SLC5A1: variants seen among roughly 807,000 people sequenced by gnomAD.
SLC5A1 encodes the protein solute carrier family 5 member 1.
In SLC5A1, 42 loss-of-function variants were observed where a neutral mutation model predicts 73.5. That is an observed-to-expected ratio of 0.57 (90% CI 0.45 to 0.74). The LOEUF (loss-of-function observed/expected upper bound fraction) is 0.74. Among genes scored for constraint, SLC5A1 ranks in the 30% least tolerant of loss-of-function variants. The pLI is 0.00. For missense variants in SLC5A1, 634 were observed against 855.4 expected (o/e 0.74, Z 3.23); for synonymous variants, 300 against 317.4 (o/e 0.95, Z 0.58).
At chr22:32,047,482 A>G (rs951702646) in intron 1 of SLC5A1, among the ~76,000 whole-genome samples, 1 of 152,106 alleles carries the variant, frequency 6.6e-6, no homozygotes, top group East Asian at 1.9e-4. Context: ...TTTGGCCCTT[A>G]GCTACCTTTT....
intron 5 of SLC5A1, among the ~76,000 whole-genome samples, chr22:32,079,971 C>T (rs1184609165): frequency 6.6e-6 from 1 of 152,188 alleles, no homozygotes; most frequent in African/African-American, 2.4e-5. Flanking sequence ...GCTTTCCTCA[C>T]TGCAGACCTT....
intron 2 of SLC5A1, among the ~76,000 whole-genome samples, chr22:32,050,346 C>T (rs1302610607): frequency 1.3e-5 from 2 of 152,206 alleles, no homozygotes; most frequent in African/African-American, 4.8e-5. Flanking sequence ...AGGCTCTCCA[C>T]TGCTGACATC....
rs2093933489 is a variant in SLC5A1 at position 32,043,793 on chromosome 22, C to A, written c.135+377C>A. On this transcript the variant is annotated intron_variant, in intron 1 of 14. Coordinates refer to ENST00000266088, the MANE Select transcript of SLC5A1 (RefSeq NM_000343.4). The surrounding 1 kb of genome is among the most constrained non-coding windows in gnomAD (Gnocchi z 6.5). ...CTCTAGCAGGTGACTACTGTCCTACCTTTTAGTCATCCAGTTTCAGATGGG... is the reference window on the plus strand; with the variant it reads ...CTCTAGCAGGTGACTACTGTCCTACATTTTAGTCATCCAGTTTCAGATGGG... Among the ~76,000 whole-genome samples, 1 of 152,128 alleles carries A rather than the reference C, an allele frequency of 6.6e-6. No individual in the cohort carries two copies. The highest frequency in any genetic ancestry group is 1.5e-5 in the Non-Finnish European group (1 of 68,022).
intron 2 of SLC5A1, among the ~76,000 whole-genome samples, chr22:32,060,894 G>A (rs78578916): frequency 0.045 from 6,820 of 152,142 alleles, 206 homozygotes; most frequent in Non-Finnish European, 0.07. Context: ...TTCTAATTGT[G>A]TAGTTACAGA....
intron 5 of SLC5A1, among the ~76,000 whole-genome samples, chr22:32,070,135 C>T (rs527345188): frequency 1.3e-5 from 2 of 151,144 alleles, no homozygotes; most frequent in South Asian, 2.1e-4. Flanking sequence ...GATTGGAGGG[C>T]GACTGGGGTA....
chr22:32,100,161 GGA>G (rs1190137464), intron 12 of SLC5A1, among the ~76,000 whole-genome samples: 1 of 152,194 alleles, frequency 6.6e-6, no homozygotes, highest in Non-Finnish European at 1.5e-5. Context: ...CCTGGCTCAA[GGA>G]GAGTTTGTGA....
intron 6 of SLC5A1, among the ~76,000 whole-genome samples, chr22:32,082,319 C>T (rs1222256568): frequency 6.6e-6 from 1 of 152,120 alleles, no homozygotes; most frequent in African/African-American, 2.4e-5. Context: ...AGGGTGGGCA[C>T]GCAGATGCTC....
intron 11 of SLC5A1, among the ~76,000 whole-genome samples, chr22:32,097,812 T>C (rs1185736768): frequency 3.9e-5 from 6 of 152,322 alleles, no homozygotes; most frequent in Admixed American, 2.0e-4. Context: ...AACTTGTTTA[T>C]CAAAGACACC....
intron 5 of SLC5A1, among the ~76,000 whole-genome samples, chr22:32,072,162 C>G (rs1399328493): frequency 6.6e-6 from 1 of 151,910 alleles, no homozygotes; most frequent in Non-Finnish European, 1.5e-5. Flanking sequence ...ATTTTGTCAC[C>G]CAGGTAATAA....
Position 32,111,703 on chromosome 22 carries a change from A to T in SLC5A1, c.*1490A>T, listed in dbSNP as rs1569320600. On this transcript the variant is annotated 3_prime_UTR_variant, in exon 15 of 15. Transcript: ENST00000266088. Reference sequence around the variant, plus strand: ...TTCAACAATAAATCAATGGGAATGCATTTGTTGCTCCCAGGACCCTGGCAC... The same window carrying T: ...TTCAACAATAAATCAATGGGAATGCTTTTGTTGCTCCCAGGACCCTGGCAC... The T allele has an allele frequency of 6.6e-6, 1 of 152,172 alleles. No homozygotes were observed. Among genetic ancestry groups the T allele is most frequent in the Admixed American group, 6.5e-5 (1 of 15,284 alleles). The allele number at this position is 152,172 out of a possible 1,614,324, so 9.4% of individuals were successfully genotyped here. A position where few individuals can be genotyped will look rare whatever the true frequency, so the allele number is the denominator to read the frequency against.
In SLC5A1 at chr22:32,043,486, T is replaced by C; in HGVS notation, c.135+70T>C. On this transcript the variant is annotated intron_variant, in intron 1 of 14. Coordinates refer to ENST00000266088, the MANE Select transcript of SLC5A1 (RefSeq NM_000343.4). The surrounding 1 kb of genome is among the most constrained non-coding windows in gnomAD (Gnocchi z 6.5). ...AGGAGGAGCAATGGCCTCGCTGAGC[T>C]GCAAGGGGCAGTAGGCTTAAGTGTC... is the stretch of plus-strand genomic sequence containing the variant. The C allele has an allele frequency of 6.5e-7, 1 of 1,540,330 alleles. No homozygotes were observed. The highest frequency in any genetic ancestry group is 8.9e-7 in the Non-Finnish European group (1 of 1,120,230).
intron 1 of SLC5A1, 69 bp from the exon 2 acceptor site, chr22:32,049,874 G>C (rs1225634136): frequency 8.3e-7 from 1 of 1,198,420 alleles, no homozygotes; most frequent in African/African-American, 1.5e-5. Flanking sequence ...GAATGGGGAG[G>C]TATGTCCTTT....
At chr22:32,079,478 A>G (rs1348249495) in intron 5 of SLC5A1, among the ~76,000 whole-genome samples, 1 of 152,248 alleles carries the variant, frequency 6.6e-6, no homozygotes, top group East Asian at 1.9e-4. Flanking sequence ...GGTCATTTAT[A>G]GCATTATCTT....
chr22:32,049,415 C>CTTT (rs130265), intron 1 of SLC5A1, among the ~76,000 whole-genome samples: 9 of 130,428 alleles, frequency 6.9e-5, no homozygotes, highest in Non-Finnish European at 9.6e-5. Context: ...ATTTCTTTTT[C>CTTT]TTTTTTTTTT....
intron 11 of SLC5A1, 68 bp from the exon 12 acceptor site, chr22:32,099,097 AAAAAAAAAATATATATAT>A: frequency 6.2e-6 from 1 of 161,738 alleles, no homozygotes; most frequent in Non-Finnish European, 9.1e-6. Flanking sequence ...AAAAAAAAAA[AAAAAAAAAATATATATAT>A]ATATATATAT....
chr22:32,048,871 G>A (rs534645127), intron 1 of SLC5A1, among the ~76,000 whole-genome samples: 13 of 151,974 alleles, frequency 8.6e-5, no homozygotes, highest in African/African-American at 2.7e-4. Context: ...AGGAGTTTGC[G>A]ACCAGCCTGG....
intron 12 of SLC5A1, among the ~76,000 whole-genome samples, chr22:32,100,128 T>C (rs2094033827): frequency 1.3e-5 from 2 of 152,038 alleles, no homozygotes. Flanking sequence ...GGAGTGAGGG[T>C]GAAGGACTTG....
At chr22:32,107,971 TA>T (rs2094049317) in intron 14 of SLC5A1, among the ~76,000 whole-genome samples, 1 of 152,194 alleles carries the variant, frequency 6.6e-6, no homozygotes, top group African/African-American at 2.4e-5. Flanking sequence ...TAACATGTTT[TA>T]ATTATAAACA....
rs538834202 is a variant in SLC5A1, at chr22:32,107,520, T to C, written c.1772-2470T>C. ...AAAGCTCAGATTCATCACATAAAAG[T>C]ATTCTAAATGAAAACCCATGCCTCT... On this transcript the variant is annotated intron_variant, in intron 14 of 14. Transcript: ENST00000266088. Among the ~76,000 whole-genome samples the C allele has an allele frequency of 2.0e-5, 3 of 152,338 alleles. No homozygotes were observed. The South Asian group carries it at 6.2e-4, about 32-fold the overall frequency.
Sources: allele counts gnomAD v4.1 joint callset (sites outside exome capture counted in the v4.1 genomes callset), GRCh38; gene constraint gnomAD v4.1.1; non-coding constraint Gnocchi (gnomAD v3.1); transcripts MANE v1.5; gene names NCBI Gene and HGNC (gene_info 2026-07-23, HGNC 2026-07-21).